The following GABRB3 variants were observed in gnomAD, a reference collection of about 807,000 sequenced individuals.
GABRB3 encodes gamma-aminobutyric acid type A receptor subunit beta3, also known as gamma-aminobutyric acid receptor subunit beta-3.
In GABRB3, 14 loss-of-function variants were observed where a neutral mutation model predicts 52.1. The observed-to-expected ratio is 0.27, with a 90% CI of 0.18 to 0.42. The LOEUF (loss-of-function observed/expected upper bound fraction) is 0.42, where lower values mean the gene tolerates loss of function less well. GABRB3 is among the 10% of genes least tolerant of loss of function. The pLI is 1.00. For missense variants in GABRB3, 307 were observed against 609.1 expected (o/e 0.50, Z 5.22); for synonymous variants, 260 against 232.3 (o/e 1.12, Z -1.08).
chr15:26,659,902 C>T (rs372233391), intron 3 of GABRB3, among the ~76,000 whole-genome samples: 102 of 152,198 alleles, frequency 6.7e-4, no homozygotes, highest in African/African-American at 2.3e-3. Flanking sequence ...AAGCACACTT[C>T]AGGGAGTGGC....
chr15:26,751,020 A>C (rs991063889), intron 3 of GABRB3, among the ~76,000 whole-genome samples: 1 of 152,162 alleles, frequency 6.6e-6, no homozygotes, highest in African/African-American at 2.4e-5. Context: ...ATGTATTATA[A>C]AATACAATTC....
chr15:26,745,572 C>CA (rs2140165304), intron 3 of GABRB3, among the ~76,000 whole-genome samples: 1 of 152,258 alleles, frequency 6.6e-6, no homozygotes, highest in African/African-American at 2.4e-5. Flanking sequence ...CTCCTGGGCT[C>CA]AGTTTTTTTC....
In GABRB3 at chr15:26,772,933, GA is replaced by G; in HGVS notation, c.29del (p.Phe10SerfsTer19). 2.7e-6 allele frequency: 4 copies of G among 1,488,156 alleles called. No homozygotes were observed. Among genetic ancestry groups the G allele is most frequent in the Non-Finnish European group, 1.8e-6 (2 of 1,117,174 alleles). The allele number at this position is 1,488,156 out of a possible 1,614,324, so 92.2% of individuals were successfully genotyped here. MWGLAGGRLFGIFSAPVLVA... is the reference protein window; with the variant it reads MWGLAGGRLXGIFSAPVLVA... The stretch of plus-strand genomic sequence containing the variant: ...CCAGCACCGGGGCCGAGAAGATGCC[GA>G]AAAGCCTTCCTCCCGCAAGGCCCCA... On this transcript the variant is annotated frameshift_variant, in exon 1 of 9. Coordinates refer to ENST00000311550, the MANE Select transcript of GABRB3 (RefSeq NM_000814.6). LOFTEE classifies it high-confidence loss of function.
chr15:26,685,828 G>A (rs1222790585), intron 3 of GABRB3, among the ~76,000 whole-genome samples: 1 of 145,258 alleles, frequency 6.9e-6, no homozygotes, highest in African/African-American at 2.5e-5. Flanking sequence ...CCCTAGAGAC[G>A]GGGTCTCACT....
rs143354779 is a variant in GABRB3 at position 26,768,143 on chromosome 15, T to G, written c.240+4259A>C. On this transcript the variant is annotated intron_variant, in intron 3 of 8. Transcript: ENST00000311550. ...ACATTGTATGTTACCCAAAAGGAAC[T>G]CTAATTTTTAAAAACAAAAAACAAT... Among the ~76,000 whole-genome samples the G allele has an allele frequency of 6.3e-3, 952 of 152,266 alleles. 4 individuals carry two copies. The highest frequency in any genetic ancestry group is 0.011 in the Non-Finnish European group (745 of 68,012).
intron 3 of GABRB3, among the ~76,000 whole-genome samples, chr15:26,709,684 A>AT (rs1312967417): frequency 2.0e-5 from 3 of 151,432 alleles, no homozygotes; most frequent in Non-Finnish European, 4.4e-5. Flanking sequence ...CGCCCAGCTA[A>AT]TTTTTTGTAT....
At chr15:26,573,423 T>C (rs1322258715) in intron 6 of GABRB3, among the ~76,000 whole-genome samples, 3 of 152,154 alleles carry the variant, frequency 2.0e-5, no homozygotes, top group Admixed American at 1.3e-4. Flanking sequence ...AAAAAATTGT[T>C]TGAAATATTG....
At chr15:26,625,587 A>ATATTGGCTGTGGG in intron 3 of GABRB3, 1 of 201,194 alleles carries the variant, frequency 5.0e-6, no homozygotes, top group Non-Finnish European at 6.9e-6. Context: ...GATTAAAGGA[A>ATATTGGCTGTGGG]TAGCAGAGGG....
rs1387490743 is a variant in GABRB3 at position 26,546,108 on chromosome 15, T to C, written c.*1685A>G. 6.6e-6 allele frequency: 1 copy of C among 152,604 alleles called. No individual in the cohort carries two copies. The highest frequency in any genetic ancestry group is 1.9e-4 in the East Asian group (1 of 5,184). 9.5% of individuals were successfully genotyped at this position (152,604 alleles called of 1,614,324 possible). A position where few individuals can be genotyped will look rare whatever the true frequency, so the allele number is the denominator to read the frequency against. On this transcript the variant is annotated 3_prime_UTR_variant, in exon 9 of 9. Transcript: ENST00000311550. ...ATTGGAGCACTCTGGTCCTTGGTTT[T>C]GGATAGAACAGAGAGGGTGAGGCAT...
At chr15:26,669,653 C>G (rs946110378) in intron 3 of GABRB3, among the ~76,000 whole-genome samples, 2 of 152,052 alleles carry the variant, frequency 1.3e-5, no homozygotes, top group Non-Finnish European at 2.9e-5. Context: ...CTTGCACTCC[C>G]TCAGTAGTCC....
intron 3 of GABRB3, among the ~76,000 whole-genome samples, chr15:26,660,991 G>T (rs1887524858): frequency 6.6e-6 from 1 of 152,018 alleles, no homozygotes. Context: ...TCCTTATGTT[G>T]CCCAGGCTGG....
chr15:26,632,216 A>G (rs1211371950), intron 3 of GABRB3, among the ~76,000 whole-genome samples: 1 of 152,220 alleles, frequency 6.6e-6, no homozygotes, highest in Non-Finnish European at 1.5e-5. Context: ...AAAGAAGTAT[A>G]TATGTAAGGG....
At chr15:26,565,507 C>CGG (rs1890133745) in intron 7 of GABRB3, among the ~76,000 whole-genome samples, 1 of 152,134 alleles carries the variant, frequency 6.6e-6, no homozygotes. Context: ...CTCAGCAACC[C>CGG]TAGCCAGCCC....
At chr15:26,753,842 G>A (rs986523856) in intron 3 of GABRB3, among the ~76,000 whole-genome samples, 2 of 152,110 alleles carry the variant, frequency 1.3e-5, no homozygotes, top group African/African-American at 4.8e-5. Flanking sequence ...CTGGGGCGAG[G>A]GCAGGCTACA....
intron 7 of GABRB3, among the ~76,000 whole-genome samples, chr15:26,567,319 A>C (rs1439515310): frequency 3.3e-5 from 5 of 152,226 alleles, no homozygotes; most frequent in Non-Finnish European, 7.3e-5. Context: ...TTAGTGTCAA[A>C]AATAGTTTTA....
At chr15:26,576,586 G>A (rs1418184283) in intron 6 of GABRB3, among the ~76,000 whole-genome samples, 1 of 152,112 alleles carries the variant, frequency 6.6e-6, no homozygotes, top group African/African-American at 2.4e-5. Context: ...TAAATCTGGA[G>A]AGATTTTAAT....
intron 3 of GABRB3, among the ~76,000 whole-genome samples, chr15:26,760,842 A>C (rs921004521): frequency 4.6e-5 from 5 of 108,192 alleles, no homozygotes; most frequent in Admixed American, 8.9e-5. Context: ...AACAAACAAA[A>C]ACCCACCACA....
chr15:26,757,576 T>TAA (rs1890697575), intron 3 of GABRB3, among the ~76,000 whole-genome samples: 1 of 152,136 alleles, frequency 6.6e-6, no homozygotes, highest in African/African-American at 2.4e-5. Flanking sequence ...GCAGTTATAA[T>TAA]AGAGTTAAGC....
Position 26,621,379 on chromosome 15 carries a change from A to G in GABRB3, c.396T>C (p.His132=), listed in dbSNP as rs1595489883. The G allele has an allele frequency of 1.9e-6, 3 of 1,614,162 alleles. No homozygotes were observed. The Middle Eastern group carries it at 5.0e-4, about 267-fold the overall frequency. ...TCATGCGGTTTTTCACTGTCACTCC[A>G]TGCACAAATGACTTTTTGTCATTTA... is the stretch of plus-strand genomic sequence containing the variant. ...YFLNDKKSFV[H]GVTVKNRMIR... Residue 132 remains histidine, a synonymous_variant, in exon 4 of 9, where the codon CAT becomes CAC. Transcript: ENST00000311550. The surrounding 1 kb of genome is among the most constrained non-coding windows in gnomAD (Gnocchi z 4.1).
Sources: gnomAD v4.1 joint callset for allele counts (sites outside exome capture counted in the v4.1 genomes callset) on GRCh38, gnomAD v4.1.1 for gene constraint, Gnocchi (gnomAD v3.1) non-coding constraint, MANE v1.5 for transcripts, NCBI Gene and HGNC (gene_info 2026-07-23, HGNC 2026-07-21) for gene names.